SLC22A23: variants seen among roughly 807,000 people sequenced by gnomAD.
The protein encoded by SLC22A23 is ion transporter protein.
SLC22A23 carries 26 observed loss-of-function variants against 61.0 expected under a neutral mutation model. That is an observed-to-expected ratio of 0.43 (90% confidence interval 0.31 to 0.59). The LOEUF (loss-of-function observed/expected upper bound fraction) is 0.59, where lower values mean the gene tolerates loss of function less well. Among genes scored for constraint, SLC22A23 ranks in the 20% least tolerant of loss-of-function variants. SLC22A23 has a pLI of 0.11. For missense variants in SLC22A23, 796 were observed against 934.7 expected (o/e 0.85, Z 1.94); for synonymous variants, 430 against 413.9 (o/e 1.04, Z -0.47).
intron 4 of SLC22A23, among the ~76,000 whole-genome samples, chr6:3,306,541 C>T (rs1761986926): frequency 6.6e-6 from 1 of 152,204 alleles, no homozygotes; most frequent in South Asian, 2.1e-4. Context: ...GATTACACAG[C>T]TATTCAATGG....
At chr6:3,389,735 A>T (rs1247698162) in intron 3 of SLC22A23, among the ~76,000 whole-genome samples, 1 of 152,232 alleles carries the variant, frequency 6.6e-6, no homozygotes. Context: ...TACAGGGATG[A>T]AGTTATCCTT....
chr6:3,436,365 A>T (rs1771211924), intron 1 of SLC22A23, among the ~76,000 whole-genome samples: 1 of 151,850 alleles, frequency 6.6e-6, no homozygotes, highest in Admixed American at 6.6e-5. Flanking sequence ...CAAACTCCTG[A>T]CCTCAGGTGA....
At chr6:3,323,486 C>T in intron 4 of SLC22A23, 1 of 416,282 alleles carries the variant, frequency 2.4e-6, no homozygotes, top group South Asian at 2.0e-5. Flanking sequence ...CCCCTCCTAA[C>T]ACAAGACCTC....
intron 1 of SLC22A23, 71 bp downstream of exon 1, chr6:3,455,835 C>G: frequency 6.9e-7 from 1 of 1,441,712 alleles, no homozygotes; most frequent in Non-Finnish European, 9.1e-7. Flanking sequence ...CTTCGGTTCT[C>G]CCGCTGGCTC....
At chr6:3,295,119 G>A (rs1760961230) in intron 5 of SLC22A23, among the ~76,000 whole-genome samples, 2 of 152,278 alleles carry the variant, frequency 1.3e-5, no homozygotes, top group African/African-American at 2.4e-5. Flanking sequence ...GCACAGAAGT[G>A]TCTGGCTCTA....
At chr6:3,319,795 T>C (rs1319641074) in intron 4 of SLC22A23, among the ~76,000 whole-genome samples, 1 of 152,156 alleles carries the variant, frequency 6.6e-6, no homozygotes, top group African/African-American at 2.4e-5. Context: ...GAGGCCGTGT[T>C]TTGGACCCTG....
Position 3,297,760 on chromosome 6 carries a change from C to G in SLC22A23, c.1210+331G>C, listed in dbSNP as rs1051170447. On this transcript the variant is annotated intron_variant, in intron 5 of 9. Transcript: ENST00000406686. This position sits in a 1 kb window ranked among gnomAD's most constrained non-coding sequence, Gnocchi z 4.3. ...GCCATCTACACCCTGAGCCAGCGCTCTGGCAGTGTTTAGACCTGGCAGGCA... is the reference window on the plus strand; with the variant it reads ...GCCATCTACACCCTGAGCCAGCGCTGTGGCAGTGTTTAGACCTGGCAGGCA... Among the ~76,000 whole-genome samples the G allele has an allele frequency of 6.6e-6, 1 of 152,228 alleles. No individual in the cohort carries two copies. The highest frequency in any genetic ancestry group is 2.4e-5 in the African/African-American group (1 of 41,464).
intron 1 of SLC22A23, among the ~76,000 whole-genome samples, chr6:3,442,346 G>T (rs534232063): frequency 6.6e-6 from 1 of 152,180 alleles, no homozygotes; most frequent in African/African-American, 2.4e-5. Context: ...GGTGCCAGCT[G>T]CACAACAATG....
At chr6:3,449,519 G>A (rs1428946240) in intron 1 of SLC22A23, among the ~76,000 whole-genome samples, 1 of 152,092 alleles carries the variant, frequency 6.6e-6, no homozygotes, top group East Asian at 1.9e-4. Context: ...GAAATGAAGA[G>A]ACTGTTCAAA....
chr6:3,407,843 A>G (rs959456548), intron 3 of SLC22A23, among the ~76,000 whole-genome samples: 3 of 152,268 alleles, frequency 2.0e-5, no homozygotes, highest in Admixed American at 6.5e-5. Context: ...AGATACACAC[A>G]AAATAACACA....
rs1362503395 is a variant in SLC22A23 at position 3,414,018 on chromosome 6, CTT to C, written c.758+1732_758+1733del. On this transcript the variant is annotated intron_variant, in intron 2 of 9. Transcript: ENST00000406686. This position sits in a 1 kb window ranked among gnomAD's most constrained non-coding sequence, Gnocchi z 5.1. ...TTACTCTAAGAGCAAGACCCAAACTCTTTTGTCCTCAGGCCTGGTGTGTGATC... is the reference window on the plus strand; with the variant it reads ...TTACTCTAAGAGCAAGACCCAAACTCTTGTCCTCAGGCCTGGTGTGTGATC... Among the ~76,000 whole-genome samples the C allele has an allele frequency of 1.3e-5, 2 of 152,232 alleles. No homozygotes were observed. The highest frequency in any genetic ancestry group is 4.8e-5 in the African/African-American group (2 of 41,454).
intron 4 of SLC22A23, among the ~76,000 whole-genome samples, chr6:3,298,456 C>A (rs1413675086): frequency 6.6e-6 from 1 of 151,506 alleles, no homozygotes; most frequent in Non-Finnish European, 1.5e-5. Flanking sequence ...TGTTCTCACC[C>A]ACGTATGGAA....
chr6:3,325,112 G>A (rs1763199289), intron 3 of SLC22A23, among the ~76,000 whole-genome samples: 2 of 152,182 alleles, frequency 1.3e-5, no homozygotes, highest in Non-Finnish European at 2.9e-5. Context: ...AGGGGAAGGA[G>A]GAGGAGGGGG....
chr6:3,451,872 C>T (rs1772169949), intron 1 of SLC22A23, among the ~76,000 whole-genome samples: 1 of 152,184 alleles, frequency 6.6e-6, no homozygotes, highest in Non-Finnish European at 1.5e-5. Flanking sequence ...ATGGTGTGAA[C>T]ACGATACACA....
At chr6:3,371,914 C>T (rs777251686) in intron 3 of SLC22A23, among the ~76,000 whole-genome samples, 1 of 152,028 alleles carries the variant, frequency 6.6e-6, no homozygotes, top group Non-Finnish European at 1.5e-5. Context: ...GACACAGCAT[C>T]GATTGTAAGA....
chr6:3,322,033 G>A lies in SLC22A23; in HGVS notation c.1082+1801C>T, dbSNP rs1170511128. ...CAGGGTGCCCGGCAGCCTACTTGGC[G>A]CTTTGGAGTACTGTATCTCTAAAGA... is the stretch of plus-strand genomic sequence containing the variant. On this transcript the variant is annotated intron_variant, in intron 4 of 9. Coordinates refer to ENST00000406686, the MANE Select transcript of SLC22A23 (RefSeq NM_015482.2). The surrounding 1 kb of genome is among the most constrained non-coding windows in gnomAD (Gnocchi z 4.1). Among the ~76,000 whole-genome samples the A allele has an allele frequency of 3.9e-5, 6 of 152,172 alleles. No individual in the cohort carries two copies. Among genetic ancestry groups the A allele is most frequent in the East Asian group, 1.9e-4 (1 of 5,198 alleles).
At position 3,440,800 on chromosome 6, in the gene SLC22A23, A is replaced by G. The variant is rs1026606633; in HGVS notation, c.654+15106T>C. ...ACGAAGACAGCCATGTAACAAGCCA[A>G]GGAGAGAGGCCTCAGGAGAAACCAA... On this transcript the variant is annotated intron_variant, in intron 1 of 9. Coordinates refer to ENST00000406686, the MANE Select transcript of SLC22A23 (RefSeq NM_015482.2). Among the ~76,000 whole-genome samples the G allele has an allele frequency of 3.9e-5, 6 of 152,108 alleles. No individual in the cohort carries two copies. The East Asian group carries it at 9.6e-4, about 24-fold the overall frequency.
intron 3 of SLC22A23, among the ~76,000 whole-genome samples, chr6:3,371,724 G>A (rs1175133249): frequency 6.6e-6 from 1 of 152,184 alleles, no homozygotes; most frequent in Non-Finnish European, 1.5e-5. Context: ...CCTTGATGAT[G>A]ATAACCACAT....
In SLC22A23 at chr6:3,288,809, G is replaced by T. The variant is rs532056267; in HGVS notation, c.1313+955C>A. On this transcript the variant is annotated intron_variant, in intron 6 of 9. Coordinates refer to ENST00000406686, the MANE Select transcript of SLC22A23 (RefSeq NM_015482.2). ...CCTGGGCTTGGCCTGATGTGGCCGTGGCCGGTCCCTGGCCTTGGTCTCTCT... is the reference window on the plus strand; with the variant it reads ...CCTGGGCTTGGCCTGATGTGGCCGTTGCCGGTCCCTGGCCTTGGTCTCTCT... Among the ~76,000 whole-genome samples the T allele has an allele frequency of 7.9e-5, 12 of 152,344 alleles. No individual in the cohort carries two copies. In the East Asian group the frequency reaches 2.3e-3, roughly 29 times the overall value.
Sources: gnomAD v4.1 joint callset for allele counts (sites outside exome capture counted in the v4.1 genomes callset) on GRCh38, gnomAD v4.1.1 for gene constraint, Gnocchi (gnomAD v3.1) non-coding constraint, MANE v1.5 for transcripts, NCBI Gene and HGNC (gene_info 2026-07-23, HGNC 2026-07-21) for gene names.